Variants in NEK6 observed in about 807,000 individuals in gnomAD.
NEK6 encodes the protein NIMA related kinase 6.
NEK6 carries 27 observed loss-of-function variants against 43.5 expected under a neutral mutation model. The observed-to-expected ratio is 0.62, with a 90% confidence interval of 0.46 to 0.86. The LOEUF (loss-of-function observed/expected upper bound fraction) is 0.86, where lower values mean the gene tolerates loss of function less well. Among genes scored for constraint, NEK6 ranks in the 40% least tolerant of loss-of-function variants. The pLI is 0.00. For missense variants in NEK6, 318 were observed against 414.4 expected (o/e 0.77, Z 2.02); for synonymous variants, 167 against 164.1 (o/e 1.02, Z -0.14).
At chr9:124,289,796 G>T (rs1564624550) in intron 1 of NEK6, among the ~76,000 whole-genome samples, 5 of 152,200 alleles carry the variant, frequency 3.3e-5, no homozygotes, top group African/African-American at 1.2e-4. Flanking sequence ...GGCGCTTCTA[G>T]ACTGTGGAGT....
At chr9:124,258,278 G>A in intron 1 of NEK6, 193 bp downstream of exon 1, 1 of 985,030 alleles carries the variant, frequency 1.0e-6, no homozygotes, top group Non-Finnish European at 1.2e-6. Context: ...GGCGGGCGGG[G>A]GCGGCGTGTC....
intron 2 of NEK6, among the ~76,000 whole-genome samples, chr9:124,302,986 C>G (rs562028930): frequency 6.6e-6 from 1 of 152,348 alleles, no homozygotes; most frequent in East Asian, 1.9e-4. Context: ...GGAAAACACT[C>G]AGGTCTGCTC....
chr9:124,333,635 T>C (rs1253259419), intron 7 of NEK6, among the ~76,000 whole-genome samples: 1 of 152,120 alleles, frequency 6.6e-6, no homozygotes, highest in Non-Finnish European at 1.5e-5. Flanking sequence ...GAACTAACAG[T>C]AACATCTCTT....
At chr9:124,314,094 C>T in intron 4 of NEK6, 109 bp downstream of exon 4, 2 of 967,024 alleles carry the variant, frequency 2.1e-6, no homozygotes, top group Admixed American at 4.3e-5. Context: ...AATCCGCAGC[C>T]CCTGCTAAGT....
upstream of NEK6, chr9:124,257,896 G>A: frequency 1.0e-6 from 1 of 958,820 alleles, no homozygotes; most frequent in Non-Finnish European, 1.2e-6. Flanking sequence ...GCTGGGGGCG[G>A]CGCGGCCCCG....
chr9:124,311,610 G>T (rs1246079390), intron 2 of NEK6, among the ~76,000 whole-genome samples: 1 of 152,224 alleles, frequency 6.6e-6, no homozygotes, highest in African/African-American at 2.4e-5. Flanking sequence ...GCTGGCCCCT[G>T]CAGAGTCTTT....
In NEK6 at chr9:124,279,743, C is replaced by G. The variant is rs538425500; in HGVS notation, c.-30+21658C>G. On this transcript the variant is annotated intron_variant, in intron 1 of 9. Transcript: ENST00000320246. Reference sequence around the variant, plus strand: ...ATGGCCCCAGTGACTCTTTGAAACCCGGCCCCTTATTGGCACCACCCAGTC... The same window carrying G: ...ATGGCCCCAGTGACTCTTTGAAACCGGGCCCCTTATTGGCACCACCCAGTC... Among the ~76,000 whole-genome samples, 8 of 152,324 alleles carry G rather than the reference C, an allele frequency of 5.3e-5. No homozygotes were observed. In the East Asian group the frequency reaches 1.5e-3, roughly 29 times the overall value.
chr9:124,285,254 C>T (rs1345526628), intron 1 of NEK6, among the ~76,000 whole-genome samples: 3 of 152,152 alleles, frequency 2.0e-5, no homozygotes, highest in Non-Finnish European at 2.9e-5. Context: ...TTCGGGAAGC[C>T]CTCACACAGC....
chr9:124,333,563 C>T (rs1829128887), intron 7 of NEK6, among the ~76,000 whole-genome samples: 1 of 152,150 alleles, frequency 6.6e-6, no homozygotes, highest in Non-Finnish European at 1.5e-5. Context: ...CACAGATGCT[C>T]ACCGAGCGTC....
At chr9:124,308,543 C>CTACT (rs1273217650) in intron 2 of NEK6, among the ~76,000 whole-genome samples, 2 of 151,858 alleles carry the variant, frequency 1.3e-5, no homozygotes, top group Admixed American at 1.3e-4. Context: ...TACTCCCCAG[C>CTACT]TACTTGGGAG....
At chr9:124,333,195 C>T (rs1017360726) in intron 7 of NEK6, among the ~76,000 whole-genome samples, 48 of 152,230 alleles carry the variant, frequency 3.2e-4, no homozygotes, top group Middle Eastern at 3.2e-3. Context: ...GTTTTATCTT[C>T]AAAACTCATG....
At position 124,350,991 on chromosome 9, in the gene NEK6, T is replaced by TGGC; in HGVS notation, c.*44_*45insGGC. ...TTATCAAAGCCAGCACCACTTTGCC[T>TGGC]TACTTGAGTCGTCTTCTCTTCGAGT... On this transcript the variant is annotated 3_prime_UTR_variant, in exon 10 of 10. Transcript: ENST00000320246. The TGGC allele has an allele frequency of 7.0e-7, 1 of 1,424,572 alleles. No individual in the cohort carries two copies. Among genetic ancestry groups the TGGC allele is most frequent in the Non-Finnish European group, 9.8e-7 (1 of 1,020,930 alleles). 88.2% of individuals were successfully genotyped at this position (1,424,572 alleles called of 1,614,324 possible). A position where few individuals can be genotyped will look rare whatever the true frequency, so the allele number is the denominator to read the frequency against.
chr9:124,292,013 C>G, intron 1 of NEK6: 1 of 990,250 alleles, frequency 1.0e-6, no homozygotes, highest in South Asian at 4.6e-5. Flanking sequence ...CCCTGGAGGC[C>G]CAGGCACCTC....
At chr9:124,263,037 A>G (rs1831095858) in intron 1 of NEK6, 2 of 152,178 alleles carry the variant, frequency 1.3e-5, no homozygotes, top group African/African-American at 2.4e-5. Context: ...CAGTATGGGA[A>G]TTAGTCCACA....
At chr9:124,325,048 A>C (rs1834265629) in intron 5 of NEK6, among the ~76,000 whole-genome samples, 1 of 152,054 alleles carries the variant, frequency 6.6e-6, no homozygotes, top group Non-Finnish European at 1.5e-5. Flanking sequence ...GGTGGCGCAC[A>C]CCTGTAATCC....
intron 1 of NEK6, among the ~76,000 whole-genome samples, chr9:124,277,446 AAAAAC>A (rs1243291675): frequency 6.6e-6 from 1 of 152,188 alleles, no homozygotes; most frequent in African/African-American, 2.4e-5. Context: ...GCTCCATCTC[AAAAAC>A]AAAACAAAGA....
intron 1 of NEK6, chr9:124,292,077 C>A (rs1296300350): frequency 9.6e-7 from 1 of 1,036,362 alleles, no homozygotes. Context: ...TTCTCAGGAG[C>A]CACTTCAAAA....
At chr9:124,329,464 C>T (rs1426257748) in intron 7 of NEK6, among the ~76,000 whole-genome samples, 1 of 152,220 alleles carries the variant, frequency 6.6e-6, no homozygotes, top group African/African-American at 2.4e-5. Context: ...GACTGGTGCA[C>T]TTATTATATT....
At chr9:124,263,272 T>G (rs1831104225) in intron 1 of NEK6, among the ~76,000 whole-genome samples, 1 of 151,882 alleles carries the variant, frequency 6.6e-6, no homozygotes, top group African/African-American at 2.4e-5. Flanking sequence ...ACTTTTGGAG[T>G]CTGAAGGACT....
Sources: allele counts gnomAD v4.1 joint callset (sites outside exome capture counted in the v4.1 genomes callset), GRCh38; gene constraint gnomAD v4.1.1; transcripts MANE v1.5; gene names NCBI Gene and HGNC (gene_info 2026-07-23, HGNC 2026-07-21).